The following SEZ6L2 variants were observed in gnomAD, a reference collection of about 807,000 sequenced individuals.
SEZ6L2 encodes the protein seizure 6-like protein 2.
SEZ6L2 carries 44 observed loss-of-function variants against 97.0 expected under a neutral mutation model. That is an observed-to-expected ratio of 0.45 (90% CI 0.36 to 0.58). SEZ6L2 has a LOEUF of 0.58. Among genes scored for constraint, SEZ6L2 ranks in the 20% least tolerant of loss-of-function variants. SEZ6L2 has a pLI of 0.00. For synonymous variants in SEZ6L2, 543 were observed against 546.1 expected (o/e 0.99, Z 0.08); for missense variants, 1,086 against 1,233.3 (o/e 0.88, Z 1.79).
rs764441680 is a variant in SEZ6L2, at chr16:29,877,372, C to A, written c.1808G>T (p.Arg603Leu). The A allele has an allele frequency of 3.1e-6, 5 of 1,613,402 alleles. No homozygotes were observed. Among genetic ancestry groups the A allele is most frequent in the Non-Finnish European group, 4.2e-6 (5 of 1,179,772 alleles). Residue 603 changes from arginine (R) to leucine (L), a missense_variant, in exon 11 of 18, where the codon CGC becomes CTC. Arg to Leu is a moderately radical substitution (Grantham distance 102). This residue lies in a region of SEZ6L2 where 310 missense variants were observed against 438.6 expected (regional missense o/e 0.71). Coordinates refer to ENST00000617533, the MANE Select transcript of SEZ6L2 (RefSeq NM_001243332.2). The stretch of plus-strand genomic sequence containing the variant: ...GTCGGGCCCAGAGGAGAGAAGGCGG[C>A]GGCGCGGCTGAGGTCCCCGCAGCTG... Reference protein sequence around the residue: ...LAQLRGPQPRRRLLSSGPDLT... With the variant: ...LAQLRGPQPRLRLLSSGPDLT...
In SEZ6L2 at chr16:29,885,749, C is replaced by A. The variant is rs1268147084; in HGVS notation, c.1209G>T (p.Arg403=). The change falls in exon 8 of 18, where the codon CGG becomes CGT. Residue 403 remains arginine, a splice_region_variant and synonymous_variant. Transcript: ENST00000617533. ...GGCTGCCCCCTGAGCGCACCATCAGCCTGGGATGGACAGAAACGTGACCAG... is the reference window on the plus strand; with the variant it reads ...GGCTGCCCCCTGAGCGCACCATCAGACTGGGATGGACAGAAACGTGACCAG... The part of the protein sequence containing the change: ...ERVSLDEDND[R]LMVRSGGSPL... The A allele has an allele frequency of 6.2e-7, 1 of 1,601,792 alleles. No individual in the cohort carries two copies. Among genetic ancestry groups the A allele is most frequent in the African/African-American group, 1.3e-5 (1 of 74,808 alleles).
Position 29,871,720 on chromosome 16 carries a change from C to A in SEZ6L2, c.2751G>T (p.Arg917=). ...GGGTTCAGATGGAAACTTCATACTC[C>A]CGCGTATCCTGAAGACAGAGAGATC... ...SNPLYEAGDT[R]EYEVSI is the part of the protein sequence containing the mutation. The change falls in exon 18 of 18, where the codon CGG becomes CGT. Residue 917 remains arginine, a synonymous_variant. Transcript: ENST00000617533. 6.2e-7 allele frequency: 1 copy of A among 1,608,894 alleles called. No homozygotes were observed. The highest frequency in any genetic ancestry group is 8.5e-7 in the Non-Finnish European group (1 of 1,177,578).
At chr16:29,879,794 G>T in intron 9 of SEZ6L2, 70 bp downstream of exon 9, 1 of 1,385,084 alleles carries the variant, frequency 7.2e-7, no homozygotes, top group Non-Finnish European at 9.9e-7. Context: ...TTTCTGAACG[G>T]CCTTGCTGGG....
chr16:29,879,829 G>A, intron 9 of SEZ6L2, 35 bp downstream of exon 9: 1 of 1,550,054 alleles, frequency 6.5e-7, no homozygotes, highest in Non-Finnish European at 8.7e-7. Flanking sequence ...GGGCAACGTG[G>A]ACTGAAGGAC....
chr16:29,897,107 G>T lies in SEZ6L2; in HGVS notation c.226C>A (p.Pro76Thr), dbSNP rs376567270. The T allele has an allele frequency of 4.4e-6, 7 of 1,573,932 alleles. No homozygotes were observed. In the African/African-American group the frequency reaches 9.4e-5, roughly 21 times the overall value. ...MGYLPGSDRD[P>T]TLATPPAGQT... is the part of the protein sequence containing the mutation. ...CCGGCCGGAGGGGTGGCTAGCGTGG[G>T]GTCCCGATCAGATCCTGGGACAGTG... Residue 76 changes from proline to threonine, a missense_variant, in exon 3 of 18, where the codon CCC (proline) becomes ACC (threonine). This residue lies in a region of SEZ6L2 where 776 missense variants were observed against 794.7 expected (regional missense o/e 0.98). Transcript: ENST00000617533.
In SEZ6L2 at chr16:29,888,414, C is replaced by A; in HGVS notation, c.1039+126G>T. The stretch of plus-strand genomic sequence containing the variant: ...GGCTGCAGACCCCAGGATGGGGACT[C>A]CTCAGGGTAAACACCCCTTCAGAAT... On this transcript the variant is annotated intron_variant, in intron 6 of 17. Coordinates refer to ENST00000617533, the MANE Select transcript of SEZ6L2 (RefSeq NM_001243332.2). 3 of 964,284 alleles carry A rather than the reference C, an allele frequency of 3.1e-6. No homozygotes were observed. The South Asian group carries it at 5.1e-5, about 16-fold the overall frequency. 59.7% of individuals were successfully genotyped at this position (964,284 alleles called of 1,614,324 possible).
intron 11 of SEZ6L2, 88 bp from the exon 12 acceptor site, chr16:29,877,038 C>T (rs1028656203): frequency 2.2e-6 from 3 of 1,347,646 alleles, no homozygotes; most frequent in African/African-American, 2.9e-5. Flanking sequence ...TGCCCCCTCC[C>T]GGGATCTGTC....
chr16:29,890,763 T>G (rs2068255010), intron 5 of SEZ6L2, among the ~76,000 whole-genome samples: 1 of 144,642 alleles, frequency 6.9e-6, no homozygotes, highest in Non-Finnish European at 1.5e-5. Flanking sequence ...TTTTTTTTTT[T>G]TTTTTGAGAG....
intron 5 of SEZ6L2, among the ~76,000 whole-genome samples, chr16:29,891,162 G>A (rs1282981120): frequency 1.3e-5 from 2 of 151,910 alleles, no homozygotes; most frequent in East Asian, 1.9e-4. Context: ...GGCTGGTCTC[G>A]AACTCCTGAC....
At chr16:29,892,484 A>T (rs2068290102) in intron 5 of SEZ6L2, among the ~76,000 whole-genome samples, 1 of 152,184 alleles carries the variant, frequency 6.6e-6, no homozygotes, top group Non-Finnish European at 1.5e-5. Context: ...CTTGCTCCCC[A>T]ATAACCAGGT....
At chr16:29,896,763 C>T in intron 3 of SEZ6L2, 59 bp downstream of exon 3, 1 of 1,486,530 alleles carries the variant, frequency 6.7e-7, no homozygotes, top group Non-Finnish European at 9.3e-7. Flanking sequence ...TCTCTCCCAT[C>T]CATCCCCAGC....
chr16:29,894,055 G>C (rs1302331012), intron 5 of SEZ6L2, among the ~76,000 whole-genome samples: 2 of 152,150 alleles, frequency 1.3e-5, no homozygotes, highest in Non-Finnish European at 2.9e-5. Flanking sequence ...AATTTTAGTA[G>C]AGATGGGGTT....
chr16:29,877,427 C>G lies in SEZ6L2; in HGVS notation c.1753G>C (p.Gly585Arg), dbSNP rs1297317673. ...REGDMLTLFD[G>R]DGPSARVLAQ... is the part of the protein sequence containing the mutation. Reference sequence around the variant, plus strand: ...AAGACTCGGGCGCTGGGACCGTCCCCGTCGAACAGCGTCAGCATGTCCCCT... The same window carrying G: ...AAGACTCGGGCGCTGGGACCGTCCCGGTCGAACAGCGTCAGCATGTCCCCT... Residue 585 changes from glycine (G) to arginine (R), a missense_variant, in exon 11 of 18, where the codon GGG becomes CGG. By Grantham distance (125) the Gly-to-Arg change is moderately radical. This residue lies in a region of SEZ6L2 where 776 missense variants were observed against 794.7 expected (regional missense o/e 0.98). Transcript: ENST00000617533. 5.0e-6 allele frequency: 8 copies of G among 1,608,768 alleles called. No homozygotes were observed. Among genetic ancestry groups the G allele is most frequent in the African/African-American group, 1.3e-5 (1 of 74,774 alleles).
At chr16:29,878,500 C>A (rs1272316348) in intron 9 of SEZ6L2, 75 bp from the exon 10 acceptor site, 4 of 1,342,924 alleles carry the variant, frequency 3.0e-6, no homozygotes, top group Admixed American at 2.4e-5. Flanking sequence ...CCTCACCACT[C>A]GTGATGCGTG....
intron 5 of SEZ6L2, among the ~76,000 whole-genome samples, chr16:29,893,830 C>A (rs2068324510): frequency 6.6e-6 from 1 of 152,042 alleles, no homozygotes. Flanking sequence ...CAGTGACTGA[C>A]AGTTTTGAGC....
rs1192287299 is a variant in SEZ6L2 at position 29,871,564 on chromosome 16, C to T, written c.*135G>A. 4.6e-6 allele frequency: 4 copies of T among 872,492 alleles called. No homozygotes were observed. Among genetic ancestry groups the T allele is most frequent in the Non-Finnish European group, 7.5e-6 (4 of 530,272 alleles). The allele number at this position is 872,492 out of a possible 1,614,324, so 54.0% of individuals were successfully genotyped here. A position where few individuals can be genotyped will look rare whatever the true frequency, so the allele number is the denominator to read the frequency against. ...AGGATCTCCAGGGCCATCAAAGCCC[C>T]CTCGTGGGATAGGGAGACTATTTAC... On this transcript the variant is annotated 3_prime_UTR_variant, in exon 18 of 18. Transcript: ENST00000617533.
At chr16:29,898,483 T>C (rs2068456934) in intron 1 of SEZ6L2, among the ~76,000 whole-genome samples, 1 of 152,094 alleles carries the variant, frequency 6.6e-6, no homozygotes, top group African/African-American at 2.4e-5. Flanking sequence ...CTCTGCAGTC[T>C]CTGCCTCCTT....
intron 5 of SEZ6L2, among the ~76,000 whole-genome samples, chr16:29,893,264 C>T (rs1396494144): frequency 2.6e-5 from 4 of 151,988 alleles, no homozygotes; most frequent in Admixed American, 1.3e-4. Context: ...GCAGAGGCTG[C>T]GGTGAGCCAA....
At chr16:29,875,204 GA>G (rs1354306205) in intron 12 of SEZ6L2, among the ~76,000 whole-genome samples, 1 of 152,168 alleles carries the variant, frequency 6.6e-6, no homozygotes, top group African/African-American at 2.4e-5. Flanking sequence ...TGATTATCCT[GA>G]GAGGCCAATG....
Sources: allele counts gnomAD v4.1 joint callset (sites outside exome capture counted in the v4.1 genomes callset), GRCh38; gene constraint gnomAD v4.1.1; regional missense constraint gnomAD v4.1.1; transcripts MANE v1.5; gene names NCBI Gene and HGNC (gene_info 2026-07-23, HGNC 2026-07-21).